PLCB1: variants seen among roughly 807,000 people sequenced by gnomAD.
PLCB1 encodes phospholipase C beta 1, also known as 1-phosphatidylinositol 4,5-bisphosphate phosphodiesterase beta-1.
A neutral mutation model predicts 161.8 loss-of-function variants in PLCB1; 46 were observed. The observed-to-expected ratio is 0.28, with a 90% confidence interval of 0.22 to 0.36. The LOEUF (loss-of-function observed/expected upper bound fraction) is 0.36. Ranked by LOEUF, PLCB1 falls within the 10% of genes least tolerant of loss-of-function variation. PLCB1 has a pLI of 1.00. For synonymous variants in PLCB1, 517 were observed against 503.7 expected (o/e 1.03, Z -0.35); for missense variants, 1,016 against 1,472.5 (o/e 0.69, Z 5.07).
chr20:8,368,528 CAAAAAAAAAA>C (rs1216338206), intron 2 of PLCB1, among the ~76,000 whole-genome samples: 11 of 63,830 alleles, frequency 1.7e-4, no homozygotes, highest in East Asian at 6.1e-4. Context: ...CTCTGTCTCT[CAAAAAAAAAA>C]AAAAAAAAAA....
At position 8,743,567 on chromosome 20, in the gene PLCB1, C is replaced by T. The variant is rs113005593; in HGVS notation, c.2523+1994C>T. Among the ~76,000 whole-genome samples, 647 of 152,166 alleles carry T rather than the reference C, an allele frequency of 4.3e-3. 3 individuals are homozygous for T. The highest frequency in any genetic ancestry group is 0.015 in the African/African-American group (615 of 41,514). ...CCCTGTCTTAACCTGCTTGCCTCACCTCCCTGCAGTTTTTTCCTGAGACCA... is the reference window on the plus strand; with the variant it reads ...CCCTGTCTTAACCTGCTTGCCTCACTTCCCTGCAGTTTTTTCCTGAGACCA... On this transcript the variant is annotated intron_variant, in intron 23 of 31. Transcript: ENST00000338037.
chr20:8,462,754 T>C (rs372057641), intron 3 of PLCB1, among the ~76,000 whole-genome samples: 7 of 151,582 alleles, frequency 4.6e-5, no homozygotes, highest in Non-Finnish European at 7.4e-5. Flanking sequence ...AAAGTTCAGA[T>C]TGGCTGTCTC....
chr20:8,237,521 C>CAGCA (rs988139825), intron 2 of PLCB1, among the ~76,000 whole-genome samples: 1 of 152,024 alleles, frequency 6.6e-6, no homozygotes, highest in African/African-American at 2.4e-5. Context: ...TGTTTTTCTA[C>CAGCA]AGCAAGCATA....
intron 3 of PLCB1, among the ~76,000 whole-genome samples, chr20:8,499,477 T>C (rs1183855144): frequency 6.6e-6 from 1 of 152,200 alleles, no homozygotes; most frequent in African/African-American, 2.4e-5. Flanking sequence ...TTAGTGCCAA[T>C]GACTGTATCA....
At chr20:8,190,147 A>G (rs1034085297) in intron 2 of PLCB1, among the ~76,000 whole-genome samples, 3 of 152,196 alleles carry the variant, frequency 2.0e-5, no homozygotes, top group Middle Eastern at 3.4e-3. Context: ...AACTAAATTC[A>G]ATGGCAGATG....
intron 3 of PLCB1, among the ~76,000 whole-genome samples, chr20:8,480,620 C>T (rs1189289442): frequency 1.3e-5 from 2 of 152,100 alleles, no homozygotes; most frequent in African/African-American, 4.8e-5. Context: ...CCTGTCAAGT[C>T]CTCCAGGTAC....
At chr20:8,163,215 T>C (rs1045378539) in intron 2 of PLCB1, among the ~76,000 whole-genome samples, 2 of 152,180 alleles carry the variant, frequency 1.3e-5, no homozygotes, top group East Asian at 3.9e-4. Flanking sequence ...GGTGTACAAG[T>C]GAAGCTCCGT....
chr20:8,707,843 T>C (rs183220422), intron 11 of PLCB1, among the ~76,000 whole-genome samples: 67 of 152,250 alleles, frequency 4.4e-4, no homozygotes, highest in South Asian at 1.0e-3. Context: ...AAAATGCAGA[T>C]TGAAAATTGA....
chr20:8,482,718 A>G (rs933012105), intron 3 of PLCB1, among the ~76,000 whole-genome samples: 1 of 152,194 alleles, frequency 6.6e-6, no homozygotes, highest in Non-Finnish European at 1.5e-5. Context: ...AAAGGACGCA[A>G]TTTTATAGAT....
chr20:8,801,853 T>G (rs984463911), intron 31 of PLCB1, among the ~76,000 whole-genome samples: 4 of 152,170 alleles, frequency 2.6e-5, no homozygotes, highest in African/African-American at 9.7e-5. Flanking sequence ...GAGAACTCAA[T>G]GCCAATTCCA....
At chr20:8,191,831 C>T (rs1356149353) in intron 2 of PLCB1, among the ~76,000 whole-genome samples, 3 of 151,968 alleles carry the variant, frequency 2.0e-5, no homozygotes, top group African/African-American at 4.8e-5. Context: ...AGTCAATGCT[C>T]AGGTGTCTTG....
At chr20:8,278,740 A>C (rs2123279881) in intron 2 of PLCB1, among the ~76,000 whole-genome samples, 1 of 152,256 alleles carries the variant, frequency 6.6e-6, no homozygotes, top group African/African-American at 2.4e-5. Context: ...AGATTGGTGT[A>C]AACACTTGGA....
At chr20:8,215,780 A>C (rs572512016) in intron 2 of PLCB1, among the ~76,000 whole-genome samples, 1 of 152,172 alleles carries the variant, frequency 6.6e-6, no homozygotes, top group Non-Finnish European at 1.5e-5. Flanking sequence ...GCAGCCTTAG[A>C]GATCTTTGAA....
At chr20:8,479,515 C>G (rs1243521265) in intron 3 of PLCB1, among the ~76,000 whole-genome samples, 1 of 152,210 alleles carries the variant, frequency 6.6e-6, no homozygotes, top group Non-Finnish European at 1.5e-5. Flanking sequence ...CTTCCACTAA[C>G]AGGAAACATT....
intron 3 of PLCB1, among the ~76,000 whole-genome samples, chr20:8,480,265 C>T (rs1001725709): frequency 5.3e-5 from 8 of 151,674 alleles, no homozygotes; most frequent in South Asian, 4.2e-4. Context: ...GAATAAAATC[C>T]GGATTATGAT....
chr20:8,445,185 A>C (rs1980764220), intron 3 of PLCB1, among the ~76,000 whole-genome samples: 1 of 152,192 alleles, frequency 6.6e-6, no homozygotes, highest in Non-Finnish European at 1.5e-5. Flanking sequence ...TTTAGGTCTG[A>C]CATTTAAGTC....
At chr20:8,532,318 C>T (rs550302410) in intron 3 of PLCB1, among the ~76,000 whole-genome samples, 1 of 152,252 alleles carries the variant, frequency 6.6e-6, no homozygotes, top group African/African-American at 2.4e-5. Flanking sequence ...ATCACCTTGC[C>T]CGTTAAAAGC....
At chr20:8,316,285 AT>A (rs1323936557) in intron 2 of PLCB1, among the ~76,000 whole-genome samples, 4 of 152,148 alleles carry the variant, frequency 2.6e-5, no homozygotes, top group Admixed American at 2.0e-4. Flanking sequence ...TCTTAGACAC[AT>A]TTTTTTCCAT....
intron 31 of PLCB1, among the ~76,000 whole-genome samples, chr20:8,816,001 T>C (rs1380389199): frequency 1.3e-5 from 2 of 152,198 alleles, no homozygotes; most frequent in Non-Finnish European, 2.9e-5. Context: ...TGATATTTAA[T>C]GGTATCTTAT....
Sources: allele counts gnomAD v4.1 joint callset (sites outside exome capture counted in the v4.1 genomes callset), GRCh38; gene constraint gnomAD v4.1.1; transcripts MANE v1.5; gene names NCBI Gene and HGNC (gene_info 2026-07-23, HGNC 2026-07-21).